The following KANSL1L variants were observed in gnomAD, a reference collection of about 807,000 sequenced individuals.
The protein encoded by KANSL1L is KAT8 regulatory NSL complex subunit 1 like.
KANSL1L carries 25 observed loss-of-function variants against 108.6 expected under a neutral mutation model. The ratio of observed to expected loss-of-function variants is 0.23; its 90% CI spans 0.17 to 0.32. The LOEUF is 0.32. KANSL1L is among the 10% of genes least tolerant of loss of function. The pLI is 1.00. For missense variants in KANSL1L, 1,137 were observed against 1,125.7 expected, an observed-to-expected ratio of 1.01 and a Z score of -0.14; for synonymous variants, 405 against 395.1, an observed-to-expected ratio of 1.03 and a Z score of -0.30.
rs1486208652 is a variant in KANSL1L at position 210,021,992 on chromosome 2, A to T, written c.*957T>A. On this transcript the variant is annotated 3_prime_UTR_variant, in exon 15 of 15. Coordinates refer to ENST00000281772, the MANE Select transcript of KANSL1L (RefSeq NM_152519.4). The stretch of plus-strand genomic sequence containing the variant: ...TTAACTAATTTCTTGCTAATCTAGA[A>T]ATACAATCATCTTTTTTTTTTTTTT... The T allele has an allele frequency of 6.6e-6, 1 of 151,596 alleles. No homozygotes were observed. Among genetic ancestry groups the T allele is most frequent in the Non-Finnish European group, 1.5e-5 (1 of 67,892 alleles). The allele number at this position is 151,596 out of a possible 1,614,324, so 9.4% of individuals were successfully genotyped here.
intron 6 of KANSL1L, among the ~76,000 whole-genome samples, chr2:210,067,024 G>C (rs1341300378): frequency 6.6e-6 from 1 of 152,270 alleles, no homozygotes; most frequent in East Asian, 1.9e-4. Context: ...AAAACAAAAA[G>C]GCAGAGGAAG....
intron 1 of KANSL1L, among the ~76,000 whole-genome samples, chr2:210,167,804 T>C (rs983470085): frequency 6.6e-6 from 1 of 152,034 alleles, no homozygotes; most frequent in Non-Finnish European, 1.5e-5. Flanking sequence ...TAACATCAAG[T>C]ATTTAAAATT....
chr2:210,062,608 A>T (rs190949337), intron 6 of KANSL1L, among the ~76,000 whole-genome samples: 1 of 152,202 alleles, frequency 6.6e-6, no homozygotes, highest in Admixed American at 6.5e-5. Context: ...GTAGTCTCAG[A>T]TGGAGATAAG....
At chr2:210,086,735 T>C (rs961645452) in intron 5 of KANSL1L, among the ~76,000 whole-genome samples, 7 of 152,066 alleles carry the variant, frequency 4.6e-5, no homozygotes, top group African/African-American at 1.7e-4. Flanking sequence ...ACAAAAGTTC[T>C]ATATGATCCA....
intron 3 of KANSL1L, among the ~76,000 whole-genome samples, chr2:210,113,706 C>T (rs114557984): frequency 0.019 from 2,934 of 152,074 alleles, 43 homozygotes; most frequent in Non-Finnish European, 0.031. Flanking sequence ...ATGTTATGAA[C>T]AAAATGCAAA....
intron 2 of KANSL1L, among the ~76,000 whole-genome samples, chr2:210,151,073 G>C (rs1182222087): frequency 6.6e-6 from 1 of 152,088 alleles, no homozygotes; most frequent in Non-Finnish European, 1.5e-5. Flanking sequence ...TGGAGTGCAA[G>C]GGGGTGATAC....
At chr2:210,127,401 T>C (rs2095076080) in intron 3 of KANSL1L, among the ~76,000 whole-genome samples, 1 of 152,152 alleles carries the variant, frequency 6.6e-6, no homozygotes. Flanking sequence ...TTCTTAGCTA[T>C]GACACCAAAG....
rs1290932974 is a variant in KANSL1L, at chr2:210,028,840, C to T, written c.2396+5G>A. The T allele has an allele frequency of 6.4e-7, 1 of 1,571,274 alleles. No individual in the cohort carries two copies. Among genetic ancestry groups the T allele is most frequent in the Non-Finnish European group, 8.7e-7 (1 of 1,151,514 alleles). ...AGAAAAATATGAAGATGTAAGTATA[C>T]ATACCTTGGAGTAAGTATTTCCTTA... On this transcript the variant is annotated splice_donor_5th_base_variant and intron_variant, in intron 11 of 14. Coordinates refer to ENST00000281772, the MANE Select transcript of KANSL1L (RefSeq NM_152519.4).
intron 7 of KANSL1L, among the ~76,000 whole-genome samples, chr2:210,043,202 A>T (rs1193274365): frequency 6.6e-6 from 1 of 152,006 alleles, no homozygotes; most frequent in Non-Finnish European, 1.5e-5. Flanking sequence ...CCTGGGCAAT[A>T]TAGTGAGACC....
chr2:210,130,933 T>C (rs955835632), intron 2 of KANSL1L, among the ~76,000 whole-genome samples: 1 of 152,014 alleles, frequency 6.6e-6, no homozygotes, highest in Non-Finnish European at 1.5e-5. Flanking sequence ...ACAACTAAGA[T>C]GTTATCTGTA....
At chr2:210,103,897 C>T (rs2094820542) in intron 4 of KANSL1L, 1 of 289,042 alleles carries the variant, frequency 3.5e-6, no homozygotes, top group Non-Finnish European at 6.3e-6. Flanking sequence ...CATTACTTTA[C>T]ATATTATATT....
chr2:210,145,779 C>A (rs1405529380), intron 2 of KANSL1L, among the ~76,000 whole-genome samples: 1 of 152,172 alleles, frequency 6.6e-6, no homozygotes, highest in Non-Finnish European at 1.5e-5. Context: ...GGCTCCAAGG[C>A]TTGGGTTGAG....
At chr2:210,059,821 A>C (rs1016992184) in intron 6 of KANSL1L, among the ~76,000 whole-genome samples, 1 of 151,968 alleles carries the variant, frequency 6.6e-6, no homozygotes, top group Non-Finnish European at 1.5e-5. Context: ...AGCTGACTGC[A>C]ACCTCCACCT....
At chr2:210,049,565 C>A (rs1023094359) in intron 6 of KANSL1L, among the ~76,000 whole-genome samples, 3 of 151,776 alleles carry the variant, frequency 2.0e-5, no homozygotes, top group African/African-American at 7.3e-5. Context: ...GAGTTTGAGT[C>A]CAAAGTGGGC....
chr2:210,127,477 A>G (rs1179355637), intron 3 of KANSL1L, among the ~76,000 whole-genome samples: 1 of 152,178 alleles, frequency 6.6e-6, no homozygotes, highest in Non-Finnish European at 1.5e-5. Flanking sequence ...TTTGGGCAGG[A>G]AAAGATAATA....
At chr2:210,137,291 G>A (rs1229980954) in intron 2 of KANSL1L, among the ~76,000 whole-genome samples, 1 of 152,144 alleles carries the variant, frequency 6.6e-6, no homozygotes, top group Non-Finnish European at 1.5e-5. Context: ...TATTTCTATA[G>A]GACTTTTAGC....
intron 1 of KANSL1L, among the ~76,000 whole-genome samples, chr2:210,166,882 A>C (rs1688005006): frequency 6.6e-6 from 1 of 152,078 alleles, no homozygotes; most frequent in Non-Finnish European, 1.5e-5. Context: ...AATTACAGAA[A>C]GAAAGAGTAG....
intron 6 of KANSL1L, among the ~76,000 whole-genome samples, chr2:210,065,795 A>C: frequency 6.6e-6 from 1 of 152,084 alleles, no homozygotes; most frequent in Non-Finnish European, 1.5e-5. Flanking sequence ...CATGTTGGCC[A>C]GGCTGGTCTC....
At chr2:210,118,035 G>T (rs958033683) in intron 3 of KANSL1L, among the ~76,000 whole-genome samples, 3 of 151,234 alleles carry the variant, frequency 2.0e-5, no homozygotes, top group Non-Finnish European at 4.4e-5. Context: ...GTGTGATGGC[G>T]CATGCCTGTA....
Sources: allele counts gnomAD v4.1 joint callset (sites outside exome capture counted in the v4.1 genomes callset), GRCh38; gene constraint gnomAD v4.1.1; transcripts MANE v1.5; gene names NCBI Gene and HGNC (gene_info 2026-07-23, HGNC 2026-07-21).